The following EML4 variants were observed in gnomAD, a reference collection of about 807,000 sequenced individuals.
EML4 encodes the protein echinoderm microtubule-associated protein-like 4.
A neutral mutation model predicts 129.0 loss-of-function variants in EML4; 72 were observed. The observed-to-expected ratio is 0.56, with a 90% CI of 0.46 to 0.68. The LOEUF is 0.68. Among genes scored for constraint, EML4 ranks in the 30% least tolerant of loss-of-function variants. The probability of loss-of-function intolerance (pLI) is 0.00; values close to 1 mark genes in which losing one functional copy is unlikely to be tolerated. For missense variants in EML4, 1,363 were observed against 1,190.6 expected (o/e 1.14, Z -2.13); for synonymous variants, 532 against 405.0 (o/e 1.31, Z -3.77).
intron 11 of EML4, among the ~76,000 whole-genome samples, chr2:42,292,431 T>G (rs1278854814): frequency 6.6e-6 from 1 of 152,192 alleles, no homozygotes; most frequent in Non-Finnish European, 1.5e-5. Flanking sequence ...AAGATTACAA[T>G]AGAGCAAATA....
intron 4 of EML4, among the ~76,000 whole-genome samples, chr2:42,261,772 G>T (rs1665753996): frequency 6.6e-6 from 1 of 152,146 alleles, no homozygotes; most frequent in Admixed American, 6.5e-5. Context: ...TGGGTCTTGG[G>T]AGGATAAGTT....
intron 1 of EML4, among the ~76,000 whole-genome samples, chr2:42,233,344 C>T (rs1054405562): frequency 2.0e-5 from 3 of 149,912 alleles, no homozygotes; most frequent in South Asian, 2.1e-4. Context: ...CTCACTCTGT[C>T]GCCCAGGCTG....
chr2:42,214,631 G>A (rs955431407), intron 1 of EML4, among the ~76,000 whole-genome samples: 1 of 152,126 alleles, frequency 6.6e-6, no homozygotes, highest in African/African-American at 2.4e-5. Flanking sequence ...AGGAATTTGG[G>A]CAGGGCTTGG....
chr2:42,205,224 A>T (rs1672473840), intron 1 of EML4, among the ~76,000 whole-genome samples: 1 of 152,354 alleles, frequency 6.6e-6, no homozygotes. Context: ...GTAGAATTTT[A>T]GTATAAGTTG....
chr2:42,175,860 T>C (rs1186950185), intron 1 of EML4, among the ~76,000 whole-genome samples: 1 of 152,206 alleles, frequency 6.6e-6, no homozygotes, highest in Non-Finnish European at 1.5e-5. Flanking sequence ...TAAATTATCT[T>C]TAGCCCATTT....
chr2:42,188,288 A>T (rs909267933), intron 1 of EML4, among the ~76,000 whole-genome samples: 7 of 152,164 alleles, frequency 4.6e-5, no homozygotes, highest in Non-Finnish European at 1.0e-4. Context: ...ATGTAGAGGA[A>T]ATGGAAAATA....
chr2:42,261,345 A>G (rs781082626), intron 4 of EML4, 51 bp downstream of exon 4: 1 of 1,448,414 alleles, frequency 6.9e-7, no homozygotes, highest in Admixed American at 2.3e-5. Flanking sequence ...AATGATACCT[A>G]AATTCTGTGA....
intron 6 of EML4, among the ~76,000 whole-genome samples, chr2:42,266,644 C>T (rs917553153): frequency 1.4e-5 from 2 of 138,170 alleles, no homozygotes; most frequent in African/African-American, 2.8e-5. Context: ...ACTTCTGGTC[C>T]GAAAACTTTT....
At chr2:42,268,607 T>C (rs1355649954) in intron 6 of EML4, among the ~76,000 whole-genome samples, 1 of 152,056 alleles carries the variant, frequency 6.6e-6, no homozygotes, top group Admixed American at 6.6e-5. Context: ...CAGCTAATTT[T>C]TGTATTACTT....
rs565772763 is a variant in EML4 at position 42,261,315 on chromosome 2, C to CT, written c.512+21_512+22insT. ...AAAAGGTTTTAACTGTCCCCAAGTA[C>CT]AGAGCTAGGGAATGGTTGTAATGAT... On this transcript the variant is annotated intron_variant, in intron 4 of 22. Coordinates refer to ENST00000318522, the MANE Select transcript of EML4 (RefSeq NM_019063.5). 1.3e-3 allele frequency: 2,091 copies of CT among 1,601,512 alleles called. 3 individuals carry two copies. The highest frequency in any genetic ancestry group is 3.8e-3 in the South Asian group (343 of 89,542).
At chr2:42,187,198 C>G (rs564130061) in intron 1 of EML4, among the ~76,000 whole-genome samples, 1 of 151,902 alleles carries the variant, frequency 6.6e-6, no homozygotes, top group African/African-American at 2.4e-5. Context: ...CACACACCAC[C>G]GTGCCCGGCT....
At chr2:42,262,514 C>A (rs183828627) in intron 4 of EML4, among the ~76,000 whole-genome samples, 2 of 151,986 alleles carry the variant, frequency 1.3e-5, no homozygotes, top group East Asian at 3.9e-4. Flanking sequence ...ATGTGCTTGC[C>A]CTCCTAAATT....
Position 42,270,421 on chromosome 2 carries a change from G to A in EML4, c.667+5690G>A, listed in dbSNP as rs533212961. ...CAAAAATACAAAAAATTAACGAGGC[G>A]TGGTGGCACACGTGTAGTCCCAGCT... On this transcript the variant is annotated intron_variant, in intron 6 of 22. Transcript: ENST00000318522. Among the ~76,000 whole-genome samples the A allele has an allele frequency of 3.9e-5, 6 of 152,246 alleles. No individual in the cohort carries two copies. In the East Asian group the frequency reaches 5.8e-4, roughly 15 times the overall value.
chr2:42,301,978 C>T (rs1430321778), intron 14 of EML4, among the ~76,000 whole-genome samples: 2 of 151,938 alleles, frequency 1.3e-5, no homozygotes, highest in African/African-American at 4.8e-5. Flanking sequence ...TCTTAGAGTT[C>T]AGTTATTTGT....
intron 4 of EML4, 135 bp from the exon 5 acceptor site, chr2:42,263,043 C>A: frequency 1.4e-6 from 1 of 699,208 alleles, no homozygotes; most frequent in South Asian, 2.0e-5. Flanking sequence ...TCCAGGCAGT[C>A]TTTCAACTAA....
chr2:42,180,963 TC>T (rs1670900747), intron 1 of EML4, among the ~76,000 whole-genome samples: 1 of 152,352 alleles, frequency 6.6e-6, no homozygotes, highest in East Asian at 1.9e-4. Flanking sequence ...ATTTGATGTT[TC>T]ATCCTGATTA....
chr2:42,329,778 T>C lies in EML4; in HGVS notation c.2517T>C (p.Asn839=), dbSNP rs565834213. ...KYSAHSSHVT[N]VSFTHNDSHL... is the part of the protein sequence containing the mutation. ...GTGCCCACAGCAGCCATGTCACCAA[T>C]GTCAGTTTTACTCACAATGACAGTC... The change falls in exon 23 of 23, where the codon AAT becomes AAC. Residue 839 remains asparagine (N), a synonymous_variant. Transcript: ENST00000318522. 1.2e-6 allele frequency: 2 copies of C among 1,614,182 alleles called. No individual in the cohort carries two copies. Among genetic ancestry groups the C allele is most frequent in the East Asian group, 2.2e-5 (1 of 44,890 alleles).
chr2:42,184,533 G>A (rs375677187), intron 1 of EML4, among the ~76,000 whole-genome samples: 5 of 151,988 alleles, frequency 3.3e-5, no homozygotes, highest in African/African-American at 9.7e-5. Flanking sequence ...TACCTTTCCA[G>A]CTTCACCCCT....
At chr2:42,273,857 A>G (rs1666509313) in intron 6 of EML4, among the ~76,000 whole-genome samples, 2 of 152,182 alleles carry the variant, frequency 1.3e-5, no homozygotes, top group Admixed American at 1.3e-4. Context: ...CAGCTAGATC[A>G]TTGAAAGGGG....
Sources: gnomAD v4.1 joint callset for allele counts (sites outside exome capture counted in the v4.1 genomes callset) on GRCh38, gnomAD v4.1.1 for gene constraint, MANE v1.5 for transcripts, NCBI Gene and HGNC (gene_info 2026-07-23, HGNC 2026-07-21) for gene names.